CNTNAP5: variants seen among roughly 807,000 people sequenced by gnomAD.
The protein encoded by CNTNAP5 is contactin-associated protein-like 5.
A neutral mutation model predicts 150.2 loss-of-function variants in CNTNAP5; 72 were observed. The observed-to-expected ratio is 0.48, with a 90% CI of 0.40 to 0.58. CNTNAP5 has a LOEUF of 0.58. CNTNAP5 is among the 20% of genes least tolerant of loss of function. CNTNAP5 has a pLI of 0.00. For missense variants in CNTNAP5, 1,636 were observed against 1,626.2 expected, an observed-to-expected ratio of 1.01 and a Z score of -0.10; for synonymous variants, 672 against 619.8, an observed-to-expected ratio of 1.08 and a Z score of -1.25.
chr2:124,267,703 A>G (rs1687645669), intron 3 of CNTNAP5, among the ~76,000 whole-genome samples: 1 of 152,146 alleles, frequency 6.6e-6, no homozygotes, highest in South Asian at 2.1e-4. Context: ...GCATCTGGGG[A>G]GAAATATATA....
In CNTNAP5 at chr2:124,914,459, C is replaced by T. The variant is rs1678721670; in HGVS notation, c.*171C>T. On this transcript the variant is annotated 3_prime_UTR_variant, in exon 24 of 24. Transcript: ENST00000682447. ...AATTCCCTTGATCCAGCCCAAGAGA[C>T]CAGGCAGCCATGGCCACTGCCTTCC... 1.7e-6 allele frequency: 1 copy of T among 605,922 alleles called. No individual in the cohort carries two copies. Among genetic ancestry groups the T allele is most frequent in the Admixed American group, 3.0e-5 (1 of 33,012 alleles). The allele number at this position is 605,922 out of a possible 1,614,324, so 37.5% of individuals were successfully genotyped here. A position where few individuals can be genotyped will look rare whatever the true frequency, so the allele number is the denominator to read the frequency against.
rs187667341 is a variant in CNTNAP5, at chr2:124,413,337, T to C, written c.382-4106T>C. Among the ~76,000 whole-genome samples, 279 of 151,372 alleles carry C rather than the reference T, an allele frequency of 1.8e-3. 6 individuals are homozygous for C. Among genetic ancestry groups the C allele is most frequent in the Admixed American group, 0.014 (207 of 15,206 alleles). ...AGTCATTGTGGCGATTCCTCAGGGA[T>C]CTAGAACTAGAAATATCATTTGACG... On this transcript the variant is annotated intron_variant, in intron 3 of 23. Transcript: ENST00000682447.
intron 1 of CNTNAP5, among the ~76,000 whole-genome samples, chr2:124,062,862 T>C (rs530052946): frequency 1.3e-4 from 20 of 152,200 alleles, no homozygotes; most frequent in African/African-American, 4.1e-4. Flanking sequence ...AAGGGTCCTT[T>C]TGGCATTTTT....
At chr2:124,625,505 C>T (rs1049789834) in intron 12 of CNTNAP5, among the ~76,000 whole-genome samples, 3 of 150,664 alleles carry the variant, frequency 2.0e-5, no homozygotes, top group Non-Finnish European at 2.9e-5. Context: ...TTAGCAAGCA[C>T]CTGAAGATAC....
At chr2:124,822,132 C>A (rs1682504667) in intron 19 of CNTNAP5, among the ~76,000 whole-genome samples, 2 of 152,060 alleles carry the variant, frequency 1.3e-5, no homozygotes, top group Non-Finnish European at 2.9e-5. Flanking sequence ...AATTTTACCC[C>A]TGAATGATCC....
At chr2:124,718,246 C>A (rs1679983640) in intron 13 of CNTNAP5, among the ~76,000 whole-genome samples, 1 of 152,056 alleles carries the variant, frequency 6.6e-6, no homozygotes, top group South Asian at 2.1e-4. Context: ...TCATTAATTA[C>A]CTCCTCTTTG....
At chr2:124,857,055 A>C (rs1677390173) in intron 19 of CNTNAP5, among the ~76,000 whole-genome samples, 1 of 152,044 alleles carries the variant, frequency 6.6e-6, no homozygotes, top group Non-Finnish European at 1.5e-5. Context: ...CTCTCTCTGA[A>C]GGGGCAAATG....
chr2:124,389,568 G>A (rs1691056456), intron 3 of CNTNAP5, among the ~76,000 whole-genome samples: 1 of 152,120 alleles, frequency 6.6e-6, no homozygotes, highest in African/African-American at 2.4e-5. Context: ...TGGAGATTCT[G>A]GTCTCAATTG....
chr2:124,452,433 C>G (rs1317047378), intron 6 of CNTNAP5, among the ~76,000 whole-genome samples: 2 of 152,082 alleles, frequency 1.3e-5, no homozygotes, highest in Non-Finnish European at 2.9e-5. Flanking sequence ...AGCCCTTCCC[C>G]CACCTAATGG....
intron 1 of CNTNAP5, among the ~76,000 whole-genome samples, chr2:124,205,106 G>A (rs1051376053): frequency 6.6e-6 from 1 of 152,134 alleles, no homozygotes; most frequent in Non-Finnish European, 1.5e-5. Context: ...AACTGGTACG[G>A]TGTGACCGTG....
intron 1 of CNTNAP5, among the ~76,000 whole-genome samples, chr2:124,163,637 G>A (rs944844585): frequency 1.3e-5 from 2 of 152,058 alleles, no homozygotes; most frequent in African/African-American, 4.8e-5. Flanking sequence ...CATTTTGAAA[G>A]CAATGTGGTT....
At chr2:124,158,844 C>G (rs147678515) in intron 1 of CNTNAP5, among the ~76,000 whole-genome samples, 40 of 152,142 alleles carry the variant, frequency 2.6e-4, no homozygotes, top group African/African-American at 8.0e-4. Flanking sequence ...ACCTCAAGAG[C>G]GCCTGGCAGG....
At chr2:124,346,936 A>T (rs1342284887) in intron 3 of CNTNAP5, among the ~76,000 whole-genome samples, 4 of 148,870 alleles carry the variant, frequency 2.7e-5, no homozygotes, top group Admixed American at 2.0e-4. Flanking sequence ...AAAAAAAAAT[A>T]GCTGGGCATG....
At chr2:124,249,525 C>A (rs1284663079) in intron 3 of CNTNAP5, among the ~76,000 whole-genome samples, 2 of 152,208 alleles carry the variant, frequency 1.3e-5, no homozygotes, top group Non-Finnish European at 2.9e-5. Context: ...ATAAACTCAA[C>A]CAATTGTTAA....
In CNTNAP5 at chr2:124,609,898, C is replaced by T; in HGVS notation, c.1854C>T (p.Leu618=). 6.2e-7 allele frequency: 1 copy of T among 1,613,902 alleles called. No individual in the cohort carries two copies. The highest frequency in any genetic ancestry group is 8.5e-7 in the Non-Finnish European group (1 of 1,179,834). Residue 618 remains leucine (L), a synonymous_variant, in exon 12 of 24, where the codon CTC becomes CTT. Coordinates refer to ENST00000682447, the MANE Select transcript of CNTNAP5 (RefSeq NM_001367498.1). ...DSDGSGPLGP[L]QVYCNITEDK... ...ATGGCAGCGGCCCACTGGGACCTCT[C>T]CAGGTGTACTGCAATATCACTGGTA...
intron 1 of CNTNAP5, among the ~76,000 whole-genome samples, chr2:124,157,209 C>T (rs1684567489): frequency 6.6e-6 from 1 of 152,200 alleles, no homozygotes; most frequent in South Asian, 2.1e-4. Context: ...GTCTGTCTCC[C>T]TCACAGCCAC....
chr2:124,238,973 C>T (rs1267313990), intron 2 of CNTNAP5, among the ~76,000 whole-genome samples: 2 of 152,194 alleles, frequency 1.3e-5, no homozygotes, highest in Non-Finnish European at 2.9e-5. Flanking sequence ...CGGCAATTAT[C>T]ACCCAGATAG....
At chr2:124,731,630 A>G (rs1680273540) in intron 13 of CNTNAP5, among the ~76,000 whole-genome samples, 1 of 151,932 alleles carries the variant, frequency 6.6e-6, no homozygotes, top group African/African-American at 2.4e-5. Flanking sequence ...AAAAAGGAGA[A>G]CCAGGAAAGA....
At chr2:124,310,042 G>A (rs1473862020) in intron 3 of CNTNAP5, among the ~76,000 whole-genome samples, 1 of 150,496 alleles carries the variant, frequency 6.6e-6, no homozygotes, top group Non-Finnish European at 1.5e-5. Flanking sequence ...TCTTCACGAG[G>A]CCTGAATCTC....
Sources: gnomAD v4.1 joint callset for allele counts (sites outside exome capture counted in the v4.1 genomes callset) on GRCh38, gnomAD v4.1.1 for gene constraint, MANE v1.5 for transcripts, NCBI Gene and HGNC (gene_info 2026-07-23, HGNC 2026-07-21) for gene names.